CCSER1: variants seen among roughly 807,000 people sequenced by gnomAD.
CCSER1 encodes the protein coiled-coil serine rich protein 1.
CCSER1 carries 41 observed loss-of-function variants against 82.0 expected under a neutral mutation model. That is an observed-to-expected ratio of 0.50 (90% CI 0.39 to 0.65). The LOEUF is 0.65. Ranked by LOEUF, CCSER1 falls within the 30% of genes least tolerant of loss-of-function variation. The pLI is 0.00. For synonymous variants in CCSER1, 414 were observed against 383.9 expected, an observed-to-expected ratio of 1.08 and a Z score of -0.92; for missense variants, 1,119 against 1,064.2, an observed-to-expected ratio of 1.05 and a Z score of -0.72.
At chr4:90,853,360 A>G (rs1764098076) in intron 8 of CCSER1, among the ~76,000 whole-genome samples, 1 of 152,200 alleles carries the variant, frequency 6.6e-6, no homozygotes, top group Non-Finnish European at 1.5e-5. Flanking sequence ...GAGGAACTCA[A>G]TGAACCAAAG....
At chr4:90,919,089 T>TAAA (rs71596538) in intron 8 of CCSER1, among the ~76,000 whole-genome samples, 86 of 87,194 alleles carry the variant, frequency 9.9e-4, no homozygotes, top group South Asian at 5.2e-3. Context: ...GTTTCCACAG[T>TAAA]AAAAAAAAAA....
intron 10 of CCSER1, among the ~76,000 whole-genome samples, chr4:91,382,689 C>T (rs2149340161): frequency 1.3e-5 from 2 of 152,268 alleles, no homozygotes; most frequent in Non-Finnish European, 2.9e-5. Flanking sequence ...CTTTGGCTCA[C>T]ACTTGGTGGA....
chr4:90,786,182 T>C (rs1399243716), intron 7 of CCSER1, among the ~76,000 whole-genome samples: 2 of 152,204 alleles, frequency 1.3e-5, no homozygotes, highest in Admixed American at 1.3e-4. Flanking sequence ...AGCAATGTTC[T>C]GTAGGGCACG....
Position 90,896,327 on chromosome 4 carries a change from G to T in CCSER1, c.2095-27043G>T, listed in dbSNP as rs971381251. Among the ~76,000 whole-genome samples, 13 of 152,080 alleles carry T rather than the reference G, an allele frequency of 8.5e-5. No individual in the cohort carries two copies. The South Asian group carries it at 2.7e-3, about 31-fold the overall frequency. ...CATATGGGATGGGCATTGTTAAAAA[G>T]AAGTTGTATAGATTTTAGTAATAAA... On this transcript the variant is annotated intron_variant, in intron 8 of 10. Coordinates refer to ENST00000509176, the MANE Select transcript of CCSER1 (RefSeq NM_001145065.2).
At chr4:91,463,218 A>T (rs1422593578) in intron 10 of CCSER1, among the ~76,000 whole-genome samples, 1 of 152,234 alleles carries the variant, frequency 6.6e-6, no homozygotes, top group Non-Finnish European at 1.5e-5. Context: ...GCTGTTCTGC[A>T]GCCTCCGCTG....
At chr4:90,864,809 T>C (rs1765540550) in intron 8 of CCSER1, among the ~76,000 whole-genome samples, 1 of 152,072 alleles carries the variant, frequency 6.6e-6, no homozygotes, top group Non-Finnish European at 1.5e-5. Context: ...ACTAGTCTAC[T>C]GCAAGTCGAT....
At chr4:91,192,371 A>G (rs562368419) in intron 10 of CCSER1, among the ~76,000 whole-genome samples, 1 of 152,252 alleles carries the variant, frequency 6.6e-6, no homozygotes, top group South Asian at 2.1e-4. Flanking sequence ...TTGTTTTTTA[A>G]GTTTGATACC....
chr4:90,648,288 A>AGAAAGAAAG (rs1553969686), intron 6 of CCSER1, among the ~76,000 whole-genome samples: 11 of 96,384 alleles, frequency 1.1e-4, no homozygotes, highest in African/African-American at 4.0e-4. Context: ...AAGAAAGGAA[A>AGAAAGAAAG]GAAAGAAAGA....
chr4:91,296,555 T>C (rs946219994), intron 10 of CCSER1, among the ~76,000 whole-genome samples: 10 of 147,368 alleles, frequency 6.8e-5, no homozygotes, highest in Admixed American at 6.8e-5. Context: ...TAACTATAGA[T>C]GCTTTATATG....
chr4:90,406,751 A>G (rs973440314), intron 4 of CCSER1, among the ~76,000 whole-genome samples: 9 of 152,244 alleles, frequency 5.9e-5, no homozygotes, highest in African/African-American at 1.9e-4. Flanking sequence ...CTGCTTCTGC[A>G]TGATCATTGG....
chr4:90,849,221 T>C (rs1763556278), intron 8 of CCSER1, among the ~76,000 whole-genome samples: 1 of 152,180 alleles, frequency 6.6e-6, no homozygotes, highest in Non-Finnish European at 1.5e-5. Flanking sequence ...GTTGAATGGC[T>C]GTGACCAAAA....
At chr4:90,728,784 C>G (rs1471320886) in intron 7 of CCSER1, among the ~76,000 whole-genome samples, 1 of 152,056 alleles carries the variant, frequency 6.6e-6, no homozygotes, top group Admixed American at 6.6e-5. Context: ...TGTGTAGTAA[C>G]ACACAGTTTG....
intron 10 of CCSER1, among the ~76,000 whole-genome samples, chr4:91,483,088 TATA>T (rs928102670): frequency 1.2e-4 from 17 of 146,996 alleles, no homozygotes; most frequent in Non-Finnish European, 2.1e-4. Context: ...GAACTTAAAG[TATA>T]ATAATAAAAA....
intron 3 of CCSER1, among the ~76,000 whole-genome samples, chr4:90,383,900 C>A (rs1749603304): frequency 6.6e-6 from 1 of 151,670 alleles, no homozygotes; most frequent in South Asian, 2.1e-4. Context: ...CCATGCCTGG[C>A]TAACTATTTT....
intron 6 of CCSER1, among the ~76,000 whole-genome samples, chr4:90,667,354 A>G (rs758338292): frequency 6.6e-6 from 1 of 152,088 alleles, no homozygotes; most frequent in Non-Finnish European, 1.5e-5. Flanking sequence ...TACTATTATT[A>G]TTATTATACT....
chr4:90,774,836 A>G (rs76584640), intron 7 of CCSER1, among the ~76,000 whole-genome samples: 19,290 of 152,100 alleles, frequency 0.13, 1,548 homozygotes, highest in Non-Finnish European at 0.17. Flanking sequence ...TTCCTAATGA[A>G]TTATAATAAG....
chr4:90,535,030 A>C (rs1013870913), intron 5 of CCSER1, among the ~76,000 whole-genome samples: 1 of 152,214 alleles, frequency 6.6e-6, no homozygotes, highest in African/African-American at 2.4e-5. Flanking sequence ...CATTGTTCTA[A>C]TGTGTCAGTG....
chr4:90,705,917 C>A (rs1168072783), intron 6 of CCSER1, among the ~76,000 whole-genome samples: 1 of 152,204 alleles, frequency 6.6e-6, no homozygotes, highest in Non-Finnish European at 1.5e-5. Context: ...ACCCCTTGCA[C>A]TTCCGGGGTC....
At chr4:90,227,753 C>T (rs1743478510) in intron 1 of CCSER1, among the ~76,000 whole-genome samples, 2 of 152,194 alleles carry the variant, frequency 1.3e-5, no homozygotes, top group Non-Finnish European at 2.9e-5. Context: ...GGGCGCAAGT[C>T]AATGGGTGCG....
Sources: allele counts gnomAD v4.1 joint callset (sites outside exome capture counted in the v4.1 genomes callset), GRCh38; gene constraint gnomAD v4.1.1; transcripts MANE v1.5; gene names NCBI Gene and HGNC (gene_info 2026-07-23, HGNC 2026-07-21).